Variants in RBFOX1 observed in about 807,000 individuals in gnomAD.
RBFOX1 encodes RNA binding fox-1 homolog 1, also known as RNA binding protein fox-1 homolog 1.
RBFOX1 carries 8 observed loss-of-function variants against 57.7 expected under a neutral mutation model. The observed-to-expected ratio is 0.14, with a 90% CI of 0.08 to 0.25. The LOEUF is 0.25. Among genes scored for constraint, RBFOX1 ranks in the 10% least tolerant of loss-of-function variants. The pLI is 1.00. For synonymous variants in RBFOX1, 326 were observed against 222.4 expected, an observed-to-expected ratio of 1.47 and a Z score of -4.15; for missense variants, 611 against 548.5, an observed-to-expected ratio of 1.11 and a Z score of -1.14.
chr16:6,874,022 C>T (rs776979668), intron 3 of RBFOX1: 27 of 152,096 alleles, frequency 1.8e-4, no homozygotes, highest in African/African-American at 6.5e-4. Flanking sequence ...AGTAGAAATA[C>T]CTGTTGATCC....
chr16:6,978,203 G>T (rs2087644746), intron 3 of RBFOX1, among the ~76,000 whole-genome samples: 1 of 152,156 alleles, frequency 6.6e-6, no homozygotes, highest in African/African-American at 2.4e-5. Flanking sequence ...TGGGCCCTCG[G>T]TTGCAGTTCG....
intron 4 of RBFOX1, among the ~76,000 whole-genome samples, chr16:7,463,868 T>C (rs1232726808): frequency 9.9e-5 from 15 of 152,186 alleles, no homozygotes; most frequent in Admixed American, 9.8e-4. Context: ...ATTGGATCAT[T>C]TAATCCCCAT....
At chr16:7,174,693 T>C (rs907211710) in intron 4 of RBFOX1, among the ~76,000 whole-genome samples, 3 of 152,128 alleles carry the variant, frequency 2.0e-5, no homozygotes, top group African/African-American at 7.2e-5. Flanking sequence ...GGCAGGAGAA[T>C]CACTTGAACG....
At chr16:5,465,598 C>G (rs80305724) in intron 1 of RBFOX1, among the ~76,000 whole-genome samples, 2 of 152,314 alleles carry the variant, frequency 1.3e-5, no homozygotes, top group African/African-American at 4.8e-5. Flanking sequence ...TCCCCCAGGA[C>G]TCCTCTTCAT....
chr16:5,654,410 A>G (rs1489045386), intron 3 of RBFOX1, among the ~76,000 whole-genome samples: 4 of 152,150 alleles, frequency 2.6e-5, no homozygotes, highest in Non-Finnish European at 5.9e-5. Flanking sequence ...AAACATTTCA[A>G]ATCAGGACTC....
rs192259305 is a variant in RBFOX1 at position 7,413,742 on chromosome 16, T to A, written c.28-104405T>A. The stretch of plus-strand genomic sequence containing the variant: ...AAACAAGCAAAGGGGGTTACTTGGT[T>A]TAAGAGCTCAGTTTAATGACAAGAG... On this transcript the variant is annotated intron_variant, in intron 4 of 15. Transcript: ENST00000550418. 5.9e-5 allele frequency among the ~76,000 whole-genome samples: 9 copies of A among 152,210 alleles called. No homozygotes were observed. In the East Asian group the frequency reaches 1.7e-3, roughly 30 times the overall value.
intron 1 of RBFOX1, among the ~76,000 whole-genome samples, chr16:6,302,010 G>T (rs902494919): frequency 2.6e-5 from 4 of 152,050 alleles, no homozygotes; most frequent in African/African-American, 9.7e-5. Context: ...TTTACTGCAG[G>T]TTTTCAGTTC....
chr16:5,766,571 C>T (rs764307875), intron 3 of RBFOX1, among the ~76,000 whole-genome samples: 24 of 152,052 alleles, frequency 1.6e-4, no homozygotes, highest in East Asian at 3.9e-4. Context: ...GGCAACAGTG[C>T]GAGACTCTGT....
chr16:7,085,089 A>G (rs1343835275), intron 4 of RBFOX1, among the ~76,000 whole-genome samples: 1 of 144,086 alleles, frequency 6.9e-6, no homozygotes, highest in African/African-American at 3.0e-5. Context: ...TGAACGCCGT[A>G]TCTAAAGTTG....
At chr16:7,294,123 G>A (rs2095845859) in intron 4 of RBFOX1, among the ~76,000 whole-genome samples, 1 of 152,162 alleles carries the variant, frequency 6.6e-6, no homozygotes, top group South Asian at 2.1e-4. Context: ...TAATCCAGAA[G>A]TCGAAACACA....
At chr16:7,371,640 C>T (rs537478763) in intron 4 of RBFOX1, among the ~76,000 whole-genome samples, 2 of 152,162 alleles carry the variant, frequency 1.3e-5, no homozygotes, top group South Asian at 4.1e-4. Flanking sequence ...ATCCCAGCTA[C>T]TCAGGATACT....
At chr16:6,082,735 C>G (rs1296145274) in intron 1 of RBFOX1, among the ~76,000 whole-genome samples, 1 of 152,094 alleles carries the variant, frequency 6.6e-6, no homozygotes, top group African/African-American at 2.4e-5. Context: ...AGAATGATCA[C>G]TCAAATAGAA....
At chr16:5,835,619 G>C (rs989665163) in intron 3 of RBFOX1, among the ~76,000 whole-genome samples, 1 of 152,118 alleles carries the variant, frequency 6.6e-6, no homozygotes, top group Admixed American at 6.5e-5. Context: ...TCCCCACAGG[G>C]TTTCTGCAGG....
intron 1 of RBFOX1, among the ~76,000 whole-genome samples, chr16:6,204,638 A>G (rs955603481): frequency 6.6e-6 from 1 of 152,190 alleles, no homozygotes; most frequent in Admixed American, 6.5e-5. Context: ...TTGTAGGCAC[A>G]TATACAGTGT....
intron 3 of RBFOX1, among the ~76,000 whole-genome samples, chr16:6,824,344 T>A (rs928260457): frequency 1.3e-5 from 2 of 152,152 alleles, no homozygotes; most frequent in African/African-American, 4.8e-5. Context: ...AGGCACAGGT[T>A]GCATTGAGCT....
intron 3 of RBFOX1, among the ~76,000 whole-genome samples, chr16:5,640,833 G>A (rs2048842251): frequency 7.0e-6 from 1 of 142,656 alleles, no homozygotes; most frequent in African/African-American, 2.7e-5. Flanking sequence ...ACACATACAT[G>A]CACACACACA....
At chr16:6,979,998 C>A (rs1241027624) in intron 3 of RBFOX1, among the ~76,000 whole-genome samples, 1 of 152,050 alleles carries the variant, frequency 6.6e-6, no homozygotes, top group East Asian at 1.9e-4. Context: ...CACCGTTTCT[C>A]CTTCCCAGCC....
chr16:7,174,726 G>T (rs904462736), intron 4 of RBFOX1, among the ~76,000 whole-genome samples: 13 of 152,218 alleles, frequency 8.5e-5, no homozygotes, highest in Non-Finnish European at 1.2e-4. Flanking sequence ...ATTGCAGTGA[G>T]CCAAGATTGC....
At chr16:5,595,731 G>A (rs184282323) in intron 2 of RBFOX1, among the ~76,000 whole-genome samples, 2 of 152,242 alleles carry the variant, frequency 1.3e-5, no homozygotes, top group East Asian at 3.9e-4. Flanking sequence ...CCCCAACTCA[G>A]TCAGACTTAG....
Sources: gnomAD v4.1 joint callset for allele counts (sites outside exome capture counted in the v4.1 genomes callset) on GRCh38, gnomAD v4.1.1 for gene constraint, MANE v1.5 for transcripts, NCBI Gene and HGNC (gene_info 2026-07-23, HGNC 2026-07-21) for gene names.